Variants in PTPRO observed in about 807,000 individuals in gnomAD.
The protein encoded by PTPRO is receptor-type tyrosine-protein phosphatase O.
Under a neutral mutation model 145.2 loss-of-function variants are expected in PTPRO, and 62 were observed. The ratio of observed to expected loss-of-function variants is 0.43; its 90% CI spans 0.35 to 0.53. The LOEUF is 0.53. Among genes scored for constraint, PTPRO ranks in the 20% least tolerant of loss-of-function variants. The pLI is 0.01. For synonymous variants in PTPRO, 565 were observed against 514.7 expected (o/e 1.10, Z -1.32); for missense variants, 1,345 against 1,482.7 (o/e 0.91, Z 1.53).
chr12:15,577,091 AG>A (rs1248506284), intron 19 of PTPRO, among the ~76,000 whole-genome samples: 2 of 152,246 alleles, frequency 1.3e-5, no homozygotes, highest in East Asian at 3.8e-4. Context: ...AACAATGGGA[AG>A]CATCTGCCTA....
intron 1 of PTPRO, among the ~76,000 whole-genome samples, chr12:15,432,702 G>T (rs1167101471): frequency 6.6e-6 from 1 of 152,184 alleles, no homozygotes; most frequent in Non-Finnish European, 1.5e-5. Flanking sequence ...CTTCTGACTG[G>T]TGTGAGACGG....
intron 12 of PTPRO, among the ~76,000 whole-genome samples, chr12:15,533,863 T>C (rs555660361): frequency 1.3e-5 from 2 of 152,282 alleles, no homozygotes; most frequent in Non-Finnish European, 2.9e-5. Context: ...AATTTATCTA[T>C]AATAGAGGCC....
chr12:15,535,391 G>C (rs1943046693), intron 12 of PTPRO, among the ~76,000 whole-genome samples: 2 of 152,238 alleles, frequency 1.3e-5, no homozygotes, highest in Admixed American at 1.3e-4. Flanking sequence ...CAGAAAGAGA[G>C]AGTGGAAAGG....
chr12:15,376,515 T>C (rs1294789600), intron 1 of PTPRO, among the ~76,000 whole-genome samples: 1 of 152,128 alleles, frequency 6.6e-6, no homozygotes, highest in Non-Finnish European at 1.5e-5. Context: ...CGTGATGAAA[T>C]ACAGAGCCTC....
At chr12:15,541,849 TA>T (rs1431147374) in intron 12 of PTPRO, among the ~76,000 whole-genome samples, 1 of 152,066 alleles carries the variant, frequency 6.6e-6, no homozygotes, top group African/African-American at 2.4e-5. Context: ...CCGTCTCTAC[TA>T]AAAATACAAA....
intron 1 of PTPRO, among the ~76,000 whole-genome samples, chr12:15,401,653 A>G (rs1939496608): frequency 1.3e-5 from 2 of 152,354 alleles, no homozygotes; most frequent in Admixed American, 1.3e-4. Context: ...TTCACAGTAT[A>G]TTAAAAATTG....
chr12:15,381,911 A>G (rs1938873684), intron 1 of PTPRO, among the ~76,000 whole-genome samples: 1 of 152,114 alleles, frequency 6.6e-6, no homozygotes. Flanking sequence ...CTCTGAGTTT[A>G]AAATTCCCCC....
At chr12:15,464,439 C>G (rs1422245279) in intron 1 of PTPRO, among the ~76,000 whole-genome samples, 2 of 151,984 alleles carry the variant, frequency 1.3e-5, no homozygotes, top group African/African-American at 2.4e-5. Flanking sequence ...ACTGCAAGCT[C>G]CACCTCCTGG....
At chr12:15,546,393 T>C in intron 12 of PTPRO, 176 bp from the exon 13 acceptor site, 2 of 1,436,690 alleles carry the variant, frequency 1.4e-6, no homozygotes, top group African/African-American at 1.4e-5. Flanking sequence ...GTATTCTGCC[T>C]TCCAAGTTAG....
chr12:15,579,197 A>G (rs1026848527), intron 20 of PTPRO, among the ~76,000 whole-genome samples: 4 of 152,240 alleles, frequency 2.6e-5, no homozygotes, highest in African/African-American at 9.6e-5. Context: ...TTTAGAGATT[A>G]AAGAGCCACA....
rs550293214 is a variant in PTPRO at position 15,502,386 on chromosome 12, T to A, written c.1105+323T>A. 8.5e-5 allele frequency among the ~76,000 whole-genome samples: 13 copies of A among 152,310 alleles called. No individual in the cohort carries two copies. The South Asian group carries it at 2.5e-3, about 29-fold the overall frequency. On this transcript the variant is annotated intron_variant, in intron 5 of 26. Transcript: ENST00000281171. ...ATTTGGAAATATTTTGAATTAAAGA[T>A]CTAACTATCCCAGAATGTTACAACA...
intron 10 of PTPRO, among the ~76,000 whole-genome samples, chr12:15,522,947 G>A (rs1942757156): frequency 6.6e-6 from 1 of 152,150 alleles, no homozygotes; most frequent in African/African-American, 2.4e-5. Context: ...ATATGCATAG[G>A]TTCTTGTATA....
chr12:15,416,675 A>C (rs1414205472), intron 1 of PTPRO, among the ~76,000 whole-genome samples: 3 of 150,386 alleles, frequency 2.0e-5, no homozygotes, highest in Non-Finnish European at 4.4e-5. Context: ...CTCTGTTAAG[A>C]ACTGAGCAGT....
intron 1 of PTPRO, among the ~76,000 whole-genome samples, chr12:15,364,795 T>C (rs1030288562): frequency 9.2e-5 from 14 of 152,170 alleles, no homozygotes; most frequent in Non-Finnish European, 1.5e-4. Context: ...AAGAGAGTAG[T>C]ACATATTTAT....
intron 1 of PTPRO, among the ~76,000 whole-genome samples, chr12:15,395,339 G>C (rs1270480076): frequency 6.6e-6 from 1 of 152,116 alleles, no homozygotes; most frequent in Non-Finnish European, 1.5e-5. Context: ...GGCTTGAAGA[G>C]GAGGAAGAAA....
chr12:15,415,461 T>C (rs1039499106), intron 1 of PTPRO, among the ~76,000 whole-genome samples: 1 of 151,794 alleles, frequency 6.6e-6, no homozygotes, highest in Non-Finnish European at 1.5e-5. Context: ...CTTGGCTCAC[T>C]GCAAGCTCCG....
chr12:15,479,953 A>G (rs891969668), intron 1 of PTPRO, among the ~76,000 whole-genome samples: 3 of 152,336 alleles, frequency 2.0e-5, no homozygotes, highest in South Asian at 4.1e-4. Context: ...TGCAGGCGGC[A>G]CACTACTTGA....
intron 1 of PTPRO, among the ~76,000 whole-genome samples, chr12:15,446,132 C>G (rs1046776476): frequency 6.6e-6 from 1 of 152,022 alleles, no homozygotes; most frequent in African/African-American, 2.4e-5. Flanking sequence ...GCATGTTATT[C>G]TATTGTTCAA....
chr12:15,515,761 A>G lies in PTPRO; in HGVS notation c.1585+143A>G, dbSNP rs187141826. 4.1e-4 allele frequency: 464 copies of G among 1,127,754 alleles called. 1 individual carries two copies. Among genetic ancestry groups the G allele is most frequent in the Middle Eastern group, 2.1e-4 (1 of 4,736 alleles). The allele number at this position is 1,127,754 out of a possible 1,614,324, so 69.9% of individuals were successfully genotyped here. A position where few individuals can be genotyped will look rare whatever the true frequency, so the allele number is the denominator to read the frequency against. ...CAATATGCTACCTTCAGAGTAATAA[A>G]TAACAAGAATTGTATACTTGGAAAA... On this transcript the variant is annotated intron_variant, in intron 8 of 26. Coordinates refer to ENST00000281171, the MANE Select transcript of PTPRO (RefSeq NM_030667.3).
Sources: gnomAD v4.1 joint callset for allele counts (sites outside exome capture counted in the v4.1 genomes callset) on GRCh38, gnomAD v4.1.1 for gene constraint, MANE v1.5 for transcripts, NCBI Gene and HGNC (gene_info 2026-07-23, HGNC 2026-07-21) for gene names.